The following SUCNR1 variants were observed in gnomAD, a reference collection of about 807,000 sequenced individuals.
SUCNR1 encodes G-protein coupled receptor 91.
Under a neutral mutation model 2.4 loss-of-function variants are expected in SUCNR1, and 5 were observed. The observed-to-expected ratio is 2.07, with a 90% CI of 1.08 to 4.36. The LOEUF (loss-of-function observed/expected upper bound fraction) is 4.36. Ranked by LOEUF, SUCNR1 falls within the 30% of genes most tolerant of loss-of-function variation. The pLI, the probability that SUCNR1 is intolerant of heterozygous loss-of-function variation, is 0.00. For synonymous variants in SUCNR1, 162 were observed against 143.9 expected (o/e 1.13, Z -0.90); for missense variants, 373 against 399.2 (o/e 0.93, Z 0.56).
intron 1 of SUCNR1, among the ~76,000 whole-genome samples, chr3:151,877,979 A>C (rs1484697140): frequency 6.6e-6 from 1 of 152,190 alleles, no homozygotes; most frequent in Non-Finnish European, 1.5e-5. Context: ...ACCAGGGAGA[A>C]AGAAGGGAAA....
At chr3:151,874,420 C>T (rs1717863457) in intron 1 of SUCNR1, among the ~76,000 whole-genome samples, 1 of 151,750 alleles carries the variant, frequency 6.6e-6, no homozygotes, top group Non-Finnish European at 1.5e-5. Context: ...TCAGGTGATC[C>T]ACTCATCTCG....
In SUCNR1 at chr3:151,882,746, T is replaced by G. The variant is rs1214001696; in HGVS notation, c.*1198T>G. Reference sequence around the variant, plus strand: ...AAATATTTATGTGCATATTAACCTGTATTATCCCAGGAGGGTTAATGAGGC... The same window carrying G: ...AAATATTTATGTGCATATTAACCTGGATTATCCCAGGAGGGTTAATGAGGC... On this transcript the variant is annotated 3_prime_UTR_variant, in exon 3 of 3. Coordinates refer to ENST00000362032, the MANE Select transcript of SUCNR1 (RefSeq NM_033050.6). 6.6e-6 allele frequency: 1 copy of G among 152,160 alleles called. No homozygotes were observed. The highest frequency in any genetic ancestry group is 2.4e-5 in the African/African-American group (1 of 41,442). The allele number at this position is 152,160 out of a possible 1,614,324, so 9.4% of individuals were successfully genotyped here. A position where few individuals can be genotyped will look rare whatever the true frequency, so the allele number is the denominator to read the frequency against.
chr3:151,880,702 GA>G lies in SUCNR1; in HGVS notation c.161del (p.Asn54ThrfsTer17), dbSNP rs1488559169. ...TTTACGGCTACATCTTCTCTCTGAA[GA>G]ACTGGAACAGCAGTAATATTTATCT... The part of the protein sequence containing the change: ...VVYGYIFSLK[N>X]WNSSNIYLFN... On this transcript the variant is annotated frameshift_variant, in exon 3 of 3. Coordinates refer to ENST00000362032, the MANE Select transcript of SUCNR1 (RefSeq NM_033050.6). LOFTEE classifies it low-confidence loss of function (END_TRUNC). The G allele has an allele frequency of 1.9e-6, 3 of 1,614,002 alleles. No homozygotes were observed. In the Admixed American group the frequency reaches 5.0e-5, roughly 27 times the overall value.
chr3:151,878,944 A>T (rs1344078837), intron 1 of SUCNR1, among the ~76,000 whole-genome samples: 2 of 152,182 alleles, frequency 1.3e-5, no homozygotes, highest in African/African-American at 4.8e-5. Context: ...GCTTCTCATA[A>T]AAAGCAGTTT....
chr3:151,875,408 T>C (rs1198422719), intron 1 of SUCNR1, among the ~76,000 whole-genome samples: 5 of 152,134 alleles, frequency 3.3e-5, no homozygotes, highest in East Asian at 1.9e-4. Flanking sequence ...ATTTGAAATA[T>C]AGTATCTTCA....
In SUCNR1 at chr3:151,881,096, C is replaced by T. The variant is rs1191050519; in HGVS notation, c.553C>T (p.Leu185Phe). 1 of 1,613,960 alleles carries T rather than the reference C, an allele frequency of 6.2e-7. No homozygotes were observed. The highest frequency in any genetic ancestry group is 1.3e-5 in the African/African-American group (1 of 74,910). ...AAGTTCTGGAGACCCCAACTACAAC[C>T]TCATTTACAGCATGTGTCTAACACT... ...FASSGDPNYNLIYSMCLTLLG... is the reference protein window; with the variant it reads ...FASSGDPNYNFIYSMCLTLLG... Residue 185 changes from leucine to phenylalanine, a missense_variant, in exon 3 of 3, where the codon CTC becomes TTC. Transcript: ENST00000362032.
chr3:151,883,471 T>C lies in SUCNR1; in HGVS notation c.*1923T>C, dbSNP rs1192566266. The C allele has an allele frequency of 2.1e-5, 2 of 95,262 alleles. No individual in the cohort carries two copies. The highest frequency in any genetic ancestry group is 4.3e-5 in the Non-Finnish European group (2 of 46,928). 5.9% of individuals were successfully genotyped at this position (95,262 alleles called of 1,614,324 possible). On this transcript the variant is annotated 3_prime_UTR_variant, in exon 3 of 3. Transcript: ENST00000362032. ...TTTTCAAACCATAAACTCACATATA[T>C]ATATATATATATATATATATATATA...
intron 1 of SUCNR1, among the ~76,000 whole-genome samples, chr3:151,875,895 C>A (rs1717910449): frequency 6.6e-6 from 1 of 152,144 alleles, no homozygotes; most frequent in South Asian, 2.1e-4. Context: ...CCGTCACCTG[C>A]CTGAGTGATA....
rs1425400772 is a variant in SUCNR1, at chr3:151,882,227, A to G, written c.*679A>G. The G allele has an allele frequency of 6.6e-6, 1 of 152,152 alleles. No homozygotes were observed. The highest frequency in any genetic ancestry group is 2.4e-5 in the African/African-American group (1 of 41,460). The allele number at this position is 152,152 out of a possible 1,614,324, so 9.4% of individuals were successfully genotyped here. On this transcript the variant is annotated 3_prime_UTR_variant, in exon 3 of 3. Transcript: ENST00000362032. ...GAGCTTGTCAGAGAATTTAAGTATC[A>G]AAATACTAGAGAGATACACCAAGGA...
chr3:151,881,454 AC>A lies in SUCNR1; in HGVS notation c.912del (p.Asp304GlufsTer3). ...FYFLLGDHFR[D>X]MLMNQLRHNF... ...TTTCTTTTGGGAGATCACTTCAGGG[AC>A]ATGCTGATGAATCAACTGAGACACA... On this transcript the variant is annotated frameshift_variant, in exon 3 of 3. Transcript: ENST00000362032. LOFTEE classifies it low-confidence loss of function (END_TRUNC). 1 of 1,614,080 alleles carries A rather than the reference AC, an allele frequency of 6.2e-7. No individual in the cohort carries two copies. Among genetic ancestry groups the A allele is most frequent in the Non-Finnish European group, 8.5e-7 (1 of 1,179,968 alleles).
chr3:151,879,268 T>C (rs1033954325), intron 1 of SUCNR1, among the ~76,000 whole-genome samples: 1 of 152,226 alleles, frequency 6.6e-6, no homozygotes, highest in Non-Finnish European at 1.5e-5. Flanking sequence ...CCATGGTACA[T>C]ATTCAGAAGG....
intron 1 of SUCNR1, among the ~76,000 whole-genome samples, chr3:151,874,083 TACACACACACACAC>T (rs139708188): frequency 6.8e-5 from 8 of 117,438 alleles, no homozygotes; most frequent in East Asian, 2.4e-4. Flanking sequence ...ATTTGATACA[TACACACACACACAC>T]ACACACACAC....
chr3:151,881,064 A>AT lies in SUCNR1; in HGVS notation c.525dup (p.Ala176CysfsTer44). The AT allele has an allele frequency of 6.2e-7, 1 of 1,614,064 alleles. No individual in the cohort carries two copies. The highest frequency in any genetic ancestry group is 8.5e-7 in the Non-Finnish European group (1 of 1,179,998). The stretch of plus-strand genomic sequence containing the variant: ...ACTGACAATGGCACCACCTGTAATG[A>AT]TTTTGCAAGTTCTGGAGACCCCAAC... On this transcript the variant is annotated frameshift_variant, in exon 3 of 3. Coordinates refer to ENST00000362032, the MANE Select transcript of SUCNR1 (RefSeq NM_033050.6). LOFTEE classifies it low-confidence loss of function (END_TRUNC).
intron 1 of SUCNR1, among the ~76,000 whole-genome samples, chr3:151,874,146 ATTTT>A (rs56678758): frequency 1.6e-3 from 95 of 60,118 alleles, no homozygotes; most frequent in African/African-American, 5.5e-3. Flanking sequence ...ATATATATAT[ATTTT>A]TTTTTTTTTT....
chr3:151,880,653 G>A lies in SUCNR1; in HGVS notation c.110G>A (p.Gly37Glu). The A allele has an allele frequency of 1.9e-6, 3 of 1,614,050 alleles. No individual in the cohort carries two copies. Among genetic ancestry groups the A allele is most frequent in the Non-Finnish European group, 2.5e-6 (3 of 1,179,936 alleles). The stretch of plus-strand genomic sequence containing the variant: ...TTTTATGGGATTGAGTTCGTTGTGG[G>A]AGTCCTTGGAAATACCATTGTTGTT... ...SIFYGIEFVVGVLGNTIVVYG... is the reference protein window; with the variant it reads ...SIFYGIEFVVEVLGNTIVVYG... The change falls in exon 3 of 3, where the codon GGA becomes GAA. Residue 37 changes from glycine to glutamate, a missense_variant. By Grantham distance (98) the Gly-to-Glu change is moderately conservative. Around this residue, in one of 3 missense-constraint regions of SUCNR1, gnomAD observed 184 missense variants for 162.2 expected, o/e 1.13. Transcript: ENST00000362032.
chr3:151,878,789 T>C (rs886202794), intron 1 of SUCNR1, among the ~76,000 whole-genome samples: 2 of 152,192 alleles, frequency 1.3e-5, no homozygotes, highest in African/African-American at 4.8e-5. Context: ...ATTAAACTTA[T>C]ATCTACAATT....
intron 2 of SUCNR1, 51 bp downstream of exon 2, chr3:151,879,958 TATCATACGTTCCC>T: frequency 7.0e-7 from 1 of 1,419,988 alleles, no homozygotes. Flanking sequence ...TCAATTATTT[TATCATACGTTCCC>T]TTTGTTTCTT....
At chr3:151,878,839 C>G (rs193160768) in intron 1 of SUCNR1, among the ~76,000 whole-genome samples, 9 of 152,270 alleles carry the variant, frequency 5.9e-5, no homozygotes, top group Admixed American at 2.0e-4. Flanking sequence ...CTCAAAATAA[C>G]AATGATCTTT....
Position 151,879,922 on chromosome 3 carries a change from A to C in SUCNR1, c.15+15A>C. The C allele has an allele frequency of 6.4e-7, 1 of 1,560,360 alleles. No homozygotes were observed. The highest frequency in any genetic ancestry group is 8.7e-7 in the Non-Finnish European group (1 of 1,152,764). On this transcript the variant is annotated intron_variant, in intron 2 of 2. Coordinates refer to ENST00000362032, the MANE Select transcript of SUCNR1 (RefSeq NM_033050.6). ...TGGGGATCATGGTATGTTTAGAGACACAAAAGTGAATTCAAAATCTTCTCT... is the reference window on the plus strand; with the variant it reads ...TGGGGATCATGGTATGTTTAGAGACCCAAAAGTGAATTCAAAATCTTCTCT...
Sources: gnomAD v4.1 joint callset for allele counts (sites outside exome capture counted in the v4.1 genomes callset) on GRCh38, gnomAD v4.1.1 for gene constraint, gnomAD v4.1.1 regional missense constraint, MANE v1.5 for transcripts, NCBI Gene and HGNC (gene_info 2026-07-23, HGNC 2026-07-21) for gene names.